The following DLG2 variants were observed in gnomAD, a reference collection of about 807,000 sequenced individuals.
DLG2 encodes disks large homolog 2.
In DLG2, 45 loss-of-function variants were observed where a neutral mutation model predicts 132.5. The observed-to-expected ratio is 0.34, with a 90% CI of 0.27 to 0.44. DLG2 has a LOEUF of 0.44. DLG2 is among the 20% of genes least tolerant of loss of function. The pLI, the probability that DLG2 is intolerant of heterozygous loss-of-function variation, is 1.00. For synonymous variants in DLG2, 424 were observed against 419.6 expected (o/e 1.01, Z -0.13); for missense variants, 1,045 against 1,196.9 (o/e 0.87, Z 1.87).
intron 18 of DLG2, among the ~76,000 whole-genome samples, chr11:83,743,578 T>C (rs2092699570): frequency 1.3e-5 from 2 of 151,702 alleles, no homozygotes; most frequent in South Asian, 4.2e-4. Flanking sequence ...AGACTACAGG[T>C]GCATGCCAAC....
chr11:85,189,443 C>A (rs1237948379), intron 4 of DLG2, among the ~76,000 whole-genome samples: 4 of 152,166 alleles, frequency 2.6e-5, no homozygotes, highest in Non-Finnish European at 5.9e-5. Flanking sequence ...ATACACACGA[C>A]AACTTGAATG....
At chr11:85,024,135 A>C (rs1022059490) in intron 6 of DLG2, among the ~76,000 whole-genome samples, 1 of 152,104 alleles carries the variant, frequency 6.6e-6, no homozygotes, top group Non-Finnish European at 1.5e-5. Context: ...CATTAATTTC[A>C]GGGGGTTGAT....
chr11:83,927,763 T>C (rs193101420), intron 15 of DLG2, among the ~76,000 whole-genome samples: 130 of 152,176 alleles, frequency 8.5e-4, no homozygotes, highest in African/African-American at 3.1e-3. Flanking sequence ...GTGAGACCAA[T>C]TAAGAAGCTA....
chr11:84,742,009 G>T (rs1026795632), intron 6 of DLG2, among the ~76,000 whole-genome samples: 1 of 151,744 alleles, frequency 6.6e-6, no homozygotes, highest in Non-Finnish European at 1.5e-5. Flanking sequence ...TATAACTGAA[G>T]AATTCAATGA....
At position 84,705,748 on chromosome 11, in the gene DLG2, T is replaced by C. The variant is rs180846500; in HGVS notation, c.358-171017A>G. On this transcript the variant is annotated intron_variant, in intron 6 of 27. Coordinates refer to ENST00000376104, the MANE Select transcript of DLG2 (RefSeq NM_001142699.3). ...TTCCCTCTGCTGTCATGAAGTGGAGTTCAGTAGAAATTATATGCAGATAAA... is the reference window on the plus strand; with the variant it reads ...TTCCCTCTGCTGTCATGAAGTGGAGCTCAGTAGAAATTATATGCAGATAAA... Among the ~76,000 whole-genome samples the C allele has an allele frequency of 6.1e-4, 92 of 151,778 alleles. 1 individual carries two copies. The highest frequency in any genetic ancestry group is 2.2e-3 in the African/African-American group (91 of 41,460).
intron 16 of DLG2, among the ~76,000 whole-genome samples, chr11:83,853,261 G>A (rs181927740): frequency 5.9e-5 from 9 of 152,116 alleles, no homozygotes; most frequent in African/African-American, 1.7e-4. Context: ...TATATACCTA[G>A]GAAACTTTCC....
At chr11:84,361,426 C>G (rs1424275992) in intron 7 of DLG2, among the ~76,000 whole-genome samples, 2 of 151,948 alleles carry the variant, frequency 1.3e-5, no homozygotes, top group Non-Finnish European at 2.9e-5. Flanking sequence ...GCAGTGACAT[C>G]TTTAAAGTCC....
intron 7 of DLG2, among the ~76,000 whole-genome samples, chr11:84,283,566 GT>G (rs1175846018): frequency 6.6e-6 from 1 of 152,168 alleles, no homozygotes; most frequent in African/African-American, 2.4e-5. Flanking sequence ...CATTTGACCA[GT>G]GATCAGTAAT....
chr11:85,450,292 C>T (rs2092190500), intron 3 of DLG2, among the ~76,000 whole-genome samples: 1 of 152,158 alleles, frequency 6.6e-6, no homozygotes, highest in Admixed American at 6.5e-5. Context: ...GACAGGGAGA[C>T]ATTTTTTTTC....
intron 7 of DLG2, among the ~76,000 whole-genome samples, chr11:84,447,197 A>T (rs1326944219): frequency 6.6e-6 from 1 of 152,220 alleles, no homozygotes; most frequent in Non-Finnish European, 1.5e-5. Flanking sequence ...AAGTTATGCT[A>T]ACTTTATAAA....
intron 6 of DLG2, among the ~76,000 whole-genome samples, chr11:85,023,654 G>A (rs1344701286): frequency 6.6e-6 from 1 of 151,856 alleles, no homozygotes; most frequent in Non-Finnish European, 1.5e-5. Flanking sequence ...ATAAAACTGT[G>A]TAATAGAAGT....
At chr11:83,994,423 G>A (rs2093909106) in intron 11 of DLG2, among the ~76,000 whole-genome samples, 1 of 152,012 alleles carries the variant, frequency 6.6e-6, no homozygotes, top group African/African-American at 2.4e-5. Context: ...TAAAAGACAG[G>A]GGTCTATGCT....
At chr11:84,494,111 C>G (rs773447577) in intron 7 of DLG2, among the ~76,000 whole-genome samples, 5 of 152,120 alleles carry the variant, frequency 3.3e-5, no homozygotes, top group African/African-American at 1.2e-4. Context: ...TGTTTCAATA[C>G]CCATCATTAA....
Position 84,527,070 on chromosome 11 carries a change from T to G in DLG2, c.519+7500A>C, listed in dbSNP as rs182832572. On this transcript the variant is annotated intron_variant, in intron 7 of 27. Transcript: ENST00000376104. ...TGGGATTACAGGCGTGAGCCACCGC[T>G]CCCGGCCCCACTGGGGGTCTTAAAA... Among the ~76,000 whole-genome samples the G allele has an allele frequency of 3.6e-3, 554 of 152,222 alleles. 13 individuals carry two copies. Among genetic ancestry groups the G allele is most frequent in the Admixed American group, 0.031 (473 of 15,290 alleles).
At chr11:85,485,211 G>A (rs1447046507) in intron 3 of DLG2, among the ~76,000 whole-genome samples, 5 of 152,020 alleles carry the variant, frequency 3.3e-5, no homozygotes, top group South Asian at 4.2e-4. Flanking sequence ...GTGGGGTGGG[G>A]AGAGGGGGGA....
Position 85,093,598 on chromosome 11 carries a change from G to A in DLG2, c.357+18063C>T, listed in dbSNP as rs550648971. Among the ~76,000 whole-genome samples the A allele has an allele frequency of 7.2e-5, 11 of 152,314 alleles. No homozygotes were observed. The East Asian group carries it at 1.9e-3, about 27-fold the overall frequency. ...CCTCACAATCATGGTGGAAGGTGAGGAAGAGCAAAGGCGTGTCTTACCTGG... is the reference window on the plus strand; with the variant it reads ...CCTCACAATCATGGTGGAAGGTGAGAAAGAGCAAAGGCGTGTCTTACCTGG... On this transcript the variant is annotated intron_variant, in intron 6 of 27. Coordinates refer to ENST00000376104, the MANE Select transcript of DLG2 (RefSeq NM_001142699.3).
chr11:83,986,521 C>T (rs889522138), intron 11 of DLG2, among the ~76,000 whole-genome samples: 33 of 150,512 alleles, frequency 2.2e-4, no homozygotes, highest in African/African-American at 5.4e-4. Flanking sequence ...AATAAACATA[C>T]GTGTGCATGT....
intron 19 of DLG2, among the ~76,000 whole-genome samples, chr11:83,594,561 C>T (rs1305643276): frequency 1.3e-5 from 2 of 152,118 alleles, no homozygotes; most frequent in Admixed American, 1.3e-4. Context: ...TATTGTCGTA[C>T]ATTGAAGCAA....
intron 14 of DLG2, among the ~76,000 whole-genome samples, chr11:83,944,636 T>C (rs1352735332): frequency 6.6e-6 from 1 of 152,200 alleles, no homozygotes; most frequent in African/African-American, 2.4e-5. Flanking sequence ...CCAAACCTTC[T>C]GTCTATTATA....
Sources: gnomAD v4.1 joint callset for allele counts (sites outside exome capture counted in the v4.1 genomes callset) on GRCh38, gnomAD v4.1.1 for gene constraint, MANE v1.5 for transcripts, NCBI Gene and HGNC (gene_info 2026-07-23, HGNC 2026-07-21) for gene names.